RFTN2: variants seen among roughly 807,000 people sequenced by gnomAD.
The protein encoded by RFTN2 is raftlin family member 2, also known as raftlin-2.
A neutral mutation model predicts 52.7 loss-of-function variants in RFTN2; 34 were observed. The observed-to-expected ratio is 0.64, with a 90% CI of 0.49 to 0.86. The LOEUF (loss-of-function observed/expected upper bound fraction) is 0.86. RFTN2 is among the 40% of genes least tolerant of loss of function. The pLI is 0.00. For missense variants in RFTN2, 536 were observed against 600.1 expected (o/e 0.89, Z 1.12); for synonymous variants, 203 against 217.7 (o/e 0.93, Z 0.59).
At chr2:197,637,247 A>G (rs1376422318) in intron 3 of RFTN2, among the ~76,000 whole-genome samples, 2,057 of 151,044 alleles carry the variant, frequency 0.014, 33 homozygotes, top group African/African-American at 0.042. Context: ...GAATGATGCT[A>G]GCCTCATAAA....
chr2:197,603,437 ATC>A (rs1404540052), intron 7 of RFTN2, among the ~76,000 whole-genome samples: 1 of 152,240 alleles, frequency 6.6e-6, no homozygotes, highest in Non-Finnish European at 1.5e-5. Flanking sequence ...AGGACTCTTT[ATC>A]TGTTATATTT....
Position 197,646,464 on chromosome 2 carries a change from T to G in RFTN2, c.323+19A>C, listed in dbSNP as rs766482298. 6.3e-7 allele frequency: 1 copy of G among 1,598,584 alleles called. No individual in the cohort carries two copies. The highest frequency in any genetic ancestry group is 8.5e-7 in the Non-Finnish European group (1 of 1,171,768). ...GAACTGTCACCCTCACCTGCCTCTT[T>G]CTTGAATAGTGTGCTTACCTTAATT... On this transcript the variant is annotated intron_variant, in intron 2 of 8. Transcript: ENST00000295049.
intron 5 of RFTN2, among the ~76,000 whole-genome samples, chr2:197,627,748 C>T (rs985807179): frequency 1.3e-5 from 2 of 151,800 alleles, no homozygotes; most frequent in Non-Finnish European, 2.9e-5. Flanking sequence ...TGTGTGTGTC[C>T]CAGGGTGTGC....
At chr2:197,591,466 C>G (rs956242584) in intron 8 of RFTN2, among the ~76,000 whole-genome samples, 1 of 152,216 alleles carries the variant, frequency 6.6e-6, no homozygotes, top group Non-Finnish European at 1.5e-5. Context: ...AAGTCCCCAC[C>G]AGACTCAGGA....
intron 8 of RFTN2, among the ~76,000 whole-genome samples, chr2:197,579,169 C>T (rs1318016443): frequency 2.0e-5 from 3 of 152,166 alleles, no homozygotes; most frequent in Non-Finnish European, 4.4e-5. Flanking sequence ...GATTATTCAC[C>T]CACGTTTCAG....
At chr2:197,595,672 C>A (rs1463237432) in intron 8 of RFTN2, among the ~76,000 whole-genome samples, 2 of 152,192 alleles carry the variant, frequency 1.3e-5, no homozygotes, top group African/African-American at 4.8e-5. Context: ...TTTATGTCGC[C>A]TTTATAAAGT....
intron 1 of RFTN2, among the ~76,000 whole-genome samples, chr2:197,657,368 T>C (rs2088908800): frequency 6.6e-6 from 1 of 152,228 alleles, no homozygotes; most frequent in African/African-American, 2.4e-5. Flanking sequence ...AGAGCTTGCC[T>C]AGACCATTTG....
intron 1 of RFTN2, among the ~76,000 whole-genome samples, chr2:197,653,881 A>G (rs775008923): frequency 2.0e-5 from 3 of 152,206 alleles, no homozygotes; most frequent in Non-Finnish European, 4.4e-5. Context: ...ACACTTTCAC[A>G]ATTTTGGTCA....
chr2:197,585,605 C>T (rs1171202463), intron 8 of RFTN2, among the ~76,000 whole-genome samples: 1 of 152,180 alleles, frequency 6.6e-6, no homozygotes. Context: ...ATCAATCTCA[C>T]TCTCTGCTAG....
intron 3 of RFTN2, among the ~76,000 whole-genome samples, chr2:197,634,743 A>G (rs1331366184): frequency 7.3e-6 from 1 of 136,358 alleles, no homozygotes; most frequent in Non-Finnish European, 1.6e-5. Flanking sequence ...TTATTTATTT[A>G]TTTTTATTAT....
chr2:197,626,456 C>T (rs55852341), intron 5 of RFTN2, among the ~76,000 whole-genome samples: 63,993 of 151,226 alleles, frequency 0.42, 14,090 homozygotes, highest in Middle Eastern at 0.56. Context: ...CCTGGTTACT[C>T]GGGAGGCTGA....
chr2:197,663,773 T>A (rs1487160514), intron 1 of RFTN2, among the ~76,000 whole-genome samples: 1 of 152,130 alleles, frequency 6.6e-6, no homozygotes, highest in East Asian at 1.9e-4. Flanking sequence ...TTTTTATTGA[T>A]CCTTTGTATT....
chr2:197,610,707 G>C (rs575531271), intron 7 of RFTN2, among the ~76,000 whole-genome samples: 1 of 152,292 alleles, frequency 6.6e-6, no homozygotes, highest in South Asian at 2.1e-4. Context: ...CAAAGGGAAT[G>C]CTTCCAGTTT....
chr2:197,625,967 C>G (rs943966597), intron 5 of RFTN2, among the ~76,000 whole-genome samples: 2 of 151,848 alleles, frequency 1.3e-5, no homozygotes, highest in Non-Finnish European at 2.9e-5. Flanking sequence ...TTTTGCATTT[C>G]TAATAGAGAC....
intron 1 of RFTN2, among the ~76,000 whole-genome samples, chr2:197,672,299 G>A (rs1309758005): frequency 4.6e-5 from 7 of 152,244 alleles, no homozygotes; most frequent in East Asian, 3.9e-4. Context: ...GCATAGCAGC[G>A]CAATCAGGAG....
In RFTN2 at chr2:197,571,751, G is replaced by A; in HGVS notation, c.*257C>T. 1 of 488,800 alleles carries A rather than the reference G, an allele frequency of 2.0e-6. No individual in the cohort carries two copies. The allele number at this position is 488,800 out of a possible 1,614,324, so 30.3% of individuals were successfully genotyped here. ...ATGAGAAGCTGAAATAGATTATTGTGTAATAACCGAATGGAACATCTGTTT... is the reference window on the plus strand; with the variant it reads ...ATGAGAAGCTGAAATAGATTATTGTATAATAACCGAATGGAACATCTGTTT... On this transcript the variant is annotated 3_prime_UTR_variant, in exon 9 of 9. Coordinates refer to ENST00000295049, the MANE Select transcript of RFTN2 (RefSeq NM_144629.3).
intron 8 of RFTN2, among the ~76,000 whole-genome samples, chr2:197,587,643 G>T (rs1231815288): frequency 6.6e-6 from 1 of 151,910 alleles, no homozygotes; most frequent in African/African-American, 2.4e-5. Context: ...TTTGGACTCA[G>T]CCCGCCTGCA....
At chr2:197,594,427 A>C (rs1203902651) in intron 8 of RFTN2, among the ~76,000 whole-genome samples, 4 of 152,036 alleles carry the variant, frequency 2.6e-5, no homozygotes, top group Non-Finnish European at 5.9e-5. Flanking sequence ...TCCTGGGCTC[A>C]AGTGATCCTC....
At chr2:197,580,911 CTA>C (rs915954066) in intron 8 of RFTN2, among the ~76,000 whole-genome samples, 3 of 152,156 alleles carry the variant, frequency 2.0e-5, no homozygotes, top group Admixed American at 2.0e-4. Context: ...GCTTCCCTGA[CTA>C]TTCCTGGACC....
Sources: gnomAD v4.1 joint callset for allele counts (sites outside exome capture counted in the v4.1 genomes callset) on GRCh38, gnomAD v4.1.1 for gene constraint, MANE v1.5 for transcripts, NCBI Gene and HGNC (gene_info 2026-07-23, HGNC 2026-07-21) for gene names.